Variants in PHEX observed in about 807,000 individuals in gnomAD.
The protein encoded by PHEX is phosphate regulating endopeptidase X-linked.
Under a neutral mutation model 68.0 loss-of-function variants are expected in PHEX, and 16 were observed. The ratio of observed to expected loss-of-function variants is 0.24; its 90% CI spans 0.16 to 0.36. The LOEUF (loss-of-function observed/expected upper bound fraction) is 0.36, where lower values mean the gene tolerates loss of function less well. PHEX is among the 10% of genes least tolerant of loss of function. The pLI is 1.00. For synonymous variants in PHEX, 208 were observed against 205.1 expected (o/e 1.01, Z -0.12); for missense variants, 480 against 575.5 (o/e 0.83, Z 1.70).
chrX:22,166,771 A>C (rs1011602813), intron 12 of PHEX, among the ~76,000 whole-genome samples: 1 of 110,149 alleles, frequency 9.1e-6, no homozygotes. Context: ...CTTTTGACCA[A>C]CTCCCTAACC....
intron 14 of PHEX, among the ~76,000 whole-genome samples, chrX:22,180,419 C>T (rs1386437987): frequency 9.0e-6 from 1 of 111,040 alleles, no homozygotes; most frequent in Non-Finnish European, 1.9e-5. Context: ...TATAGGATCT[C>T]TCTTTTAAAT....
In PHEX at chrX:22,150,227, T is replaced by C. The variant is rs185850765; in HGVS notation, c.1404+16603T>C. Among the ~76,000 whole-genome samples, 17 of 112,357 alleles carry C rather than the reference T, an allele frequency of 1.5e-4. No individual in the cohort carries two copies. In the East Asian group the frequency reaches 3.1e-3, roughly 20 times the overall value. ...CCTACTGGAGCAATGCTTCTGCAAC[T>C]TGAATGTACATGCAAATCTCCTGGG... On this transcript the variant is annotated intron_variant, in intron 12 of 21. Coordinates refer to ENST00000379374, the MANE Select transcript of PHEX (RefSeq NM_000444.6).
intron 2 of PHEX, among the ~76,000 whole-genome samples, chrX:22,040,642 G>C (rs986738039): frequency 9.0e-5 from 10 of 111,616 alleles, no homozygotes; most frequent in Non-Finnish European, 1.7e-4. Context: ...CTGAGGCAAG[G>C]GCTTTCCAGG....
rs200919556 is a variant in PHEX, at chrX:22,047,215, A to C, written c.349+4A>C. On this transcript the variant is annotated splice_donor_region_variant and intron_variant, in intron 3 of 21. Transcript: ENST00000379374. ...AATGTTGACCTCAAGTTGAAGGGTA[A>C]GTTTCTACTGGGGTTTGGTGATACA... 8.4e-7 allele frequency: 1 copy of C among 1,195,474 alleles called. No individual in the cohort carries two copies. The highest frequency in any genetic ancestry group is 1.7e-5 in the African/African-American group (1 of 57,568).
At chrX:22,193,956 A>G (rs1008865992) in intron 15 of PHEX, among the ~76,000 whole-genome samples, 1 of 112,191 alleles carries the variant, frequency 8.9e-6, no homozygotes, top group African/African-American at 3.2e-5. Flanking sequence ...GTAAGAGATC[A>G]GCTCTGATGC....
chrX:22,229,645 T>G (rs1232502044), intron 20 of PHEX, among the ~76,000 whole-genome samples: 1 of 112,426 alleles, frequency 8.9e-6, no homozygotes, highest in Non-Finnish European at 1.9e-5. Flanking sequence ...TACTAGCCCT[T>G]TGTCAAATGG....
chrX:22,131,320 T>C (rs764636984), intron 11 of PHEX, among the ~76,000 whole-genome samples: 7 of 112,384 alleles, frequency 6.2e-5, no homozygotes, highest in South Asian at 7.3e-4. Flanking sequence ...GGATTACAGG[T>C]ATGAGCCCCT....
At chrX:22,103,967 G>C (rs1930548403) in intron 9 of PHEX, among the ~76,000 whole-genome samples, 2 of 111,535 alleles carry the variant, frequency 1.8e-5, no homozygotes, top group Admixed American at 1.9e-4. Flanking sequence ...GCCAACATCT[G>C]TTATTTTTTT....
chrX:22,092,702 T>C (rs984643134), intron 6 of PHEX, among the ~76,000 whole-genome samples: 21 of 109,308 alleles, frequency 1.9e-4, no homozygotes, highest in Admixed American at 3.9e-4. Flanking sequence ...GAATTAGGAA[T>C]AGCAAAATAT....
intron 14 of PHEX, among the ~76,000 whole-genome samples, chrX:22,189,510 G>A (rs1934131663): frequency 9.0e-6 from 1 of 111,693 alleles, no homozygotes; most frequent in African/African-American, 3.3e-5. Context: ...GCTGAAGTGG[G>A]TGGATCACTT....
intron 15 of PHEX, among the ~76,000 whole-genome samples, chrX:22,198,615 C>T (rs1002700688): frequency 9.0e-6 from 1 of 111,471 alleles, no homozygotes; most frequent in Admixed American, 9.6e-5. Context: ...GAACATAGCA[C>T]AGGAACAGAC....
chrX:22,136,409 G>A (rs890610069), intron 12 of PHEX, among the ~76,000 whole-genome samples: 1 of 111,819 alleles, frequency 8.9e-6, no homozygotes, highest in African/African-American at 3.3e-5. Context: ...GGTATGACTT[G>A]GCACTGTTCT....
intron 15 of PHEX, among the ~76,000 whole-genome samples, chrX:22,211,930 T>C (rs1334705826): frequency 1.8e-5 from 2 of 111,555 alleles, no homozygotes; most frequent in African/African-American, 6.5e-5. Context: ...ATGAGAACAG[T>C]ATGGGGGAAA....
intron 1 of PHEX, among the ~76,000 whole-genome samples, chrX:22,036,054 A>ATATATATT (rs1349859330): frequency 3.5e-5 from 2 of 56,740 alleles, no homozygotes; most frequent in African/African-American, 1.8e-4. Context: ...ATATATATAT[A>ATATATATT]TTTTTTTTTT....
intron 5 of PHEX, among the ~76,000 whole-genome samples, chrX:22,087,408 G>C (rs1222700289): frequency 9.0e-6 from 1 of 111,542 alleles, no homozygotes; most frequent in African/African-American, 3.3e-5. Context: ...AGAGAGGGTT[G>C]AACAAAATAA....
Position 22,159,137 on chromosome X carries a change from T to C in PHEX, c.1405-9175T>C, listed in dbSNP as rs529838182. Among the ~76,000 whole-genome samples the C allele has an allele frequency of 7.0e-5, 8 of 113,496 alleles. No homozygotes were observed. In the South Asian group the frequency reaches 2.8e-3, roughly 40 times the overall value. On this transcript the variant is annotated intron_variant, in intron 12 of 21. Transcript: ENST00000379374. ...GCACGTGCACACACATGCACACAGA[T>C]GATGCTGTTGAGCATGGATCAGTTT... is the stretch of plus-strand genomic sequence containing the variant.
At chrX:22,152,726 G>A (rs1190724265) in intron 12 of PHEX, among the ~76,000 whole-genome samples, 2 of 111,851 alleles carry the variant, frequency 1.8e-5, no homozygotes, top group Non-Finnish European at 1.9e-5. Context: ...TTTTGAAGGT[G>A]GAAGGGTTAT....
At chrX:22,062,117 A>G (rs1249175015) in intron 3 of PHEX, among the ~76,000 whole-genome samples, 2 of 111,468 alleles carry the variant, frequency 1.8e-5, no homozygotes, top group Non-Finnish European at 3.8e-5. Context: ...ATCACCTCCC[A>G]TGACGTTCTT....
chrX:22,113,972 C>CA (rs1931113697), intron 10 of PHEX, among the ~76,000 whole-genome samples: 1 of 74,812 alleles, frequency 1.3e-5, no homozygotes, highest in Non-Finnish European at 2.4e-5. Context: ...TTTTTCCAGA[C>CA]AGAGTCTCAC....
Sources: allele counts gnomAD v4.1 joint callset (sites outside exome capture counted in the v4.1 genomes callset), GRCh38; gene constraint gnomAD v4.1.1; transcripts MANE v1.5; gene names NCBI Gene and HGNC (gene_info 2026-07-23, HGNC 2026-07-21).